The following RABGAP1L variants were observed in gnomAD, a reference collection of about 807,000 sequenced individuals.
RABGAP1L encodes the protein rab GTPase-activating protein 1-like.
RABGAP1L carries 63 observed loss-of-function variants against 137.7 expected under a neutral mutation model. That is an observed-to-expected ratio of 0.46 (90% CI 0.37 to 0.56). The LOEUF (loss-of-function observed/expected upper bound fraction) is 0.56. RABGAP1L is among the 20% of genes least tolerant of loss of function. The pLI, the probability that RABGAP1L is intolerant of heterozygous loss-of-function variation, is 0.00. For missense variants in RABGAP1L, 1,095 were observed against 1,244.0 expected (o/e 0.88, Z 1.80); for synonymous variants, 431 against 433.7 (o/e 0.99, Z 0.08).
At chr1:174,514,648 T>G (rs539514117) in intron 13 of RABGAP1L, among the ~76,000 whole-genome samples, 50 of 152,362 alleles carry the variant, frequency 3.3e-4, no homozygotes, top group African/African-American at 1.1e-3. Context: ...AGCAAATGTT[T>G]GCTTTTGCTT....
At chr1:174,757,207 A>T in intron 18 of RABGAP1L, 3 of 256,284 alleles carry the variant, frequency 1.2e-5, no homozygotes, top group Admixed American at 4.9e-5. Flanking sequence ...AGCCACTAGA[A>T]CTTTCCCCTG....
chr1:174,521,556 A>G (rs1663395770), intron 13 of RABGAP1L, among the ~76,000 whole-genome samples: 1 of 152,264 alleles, frequency 6.6e-6, no homozygotes. Context: ...ATGACCCTCC[A>G]AAAGTAAAGA....
At chr1:174,649,629 C>G (rs1055243468) in intron 14 of RABGAP1L, among the ~76,000 whole-genome samples, 3 of 151,834 alleles carry the variant, frequency 2.0e-5, no homozygotes, top group African/African-American at 7.3e-5. Context: ...TGATTTGGCT[C>G]TCTGTTTGTC....
intron 7 of RABGAP1L, among the ~76,000 whole-genome samples, chr1:174,260,722 T>G (rs1218144828): frequency 6.6e-6 from 1 of 152,218 alleles, no homozygotes; most frequent in African/African-American, 2.4e-5. Context: ...ATATGTATTT[T>G]TAAAGCCTTG....
chr1:174,719,264 T>G (rs144170659), intron 17 of RABGAP1L, among the ~76,000 whole-genome samples: 69 of 152,346 alleles, frequency 4.5e-4, no homozygotes, highest in African/African-American at 1.5e-3. Context: ...TTAAAAGATA[T>G]CTTTAATAAT....
chr1:174,472,985 A>C (rs1305988211), intron 13 of RABGAP1L, among the ~76,000 whole-genome samples: 1 of 152,212 alleles, frequency 6.6e-6, no homozygotes, highest in Non-Finnish European at 1.5e-5. Context: ...CATTAAATAT[A>C]TGTCACTCTG....
chr1:174,485,393 CA>C (rs1175915550), intron 13 of RABGAP1L, among the ~76,000 whole-genome samples: 10 of 152,100 alleles, frequency 6.6e-5, no homozygotes, highest in Non-Finnish European at 1.3e-4. Flanking sequence ...ACAGTGGTGA[CA>C]GTGGACATTC....
intron 11 of RABGAP1L, among the ~76,000 whole-genome samples, chr1:174,356,385 C>A (rs1030064641): frequency 5.9e-5 from 9 of 151,806 alleles, no homozygotes; most frequent in South Asian, 2.1e-4. Flanking sequence ...TAAAGTAATT[C>A]TCTGGTTAAA....
intron 13 of RABGAP1L, among the ~76,000 whole-genome samples, chr1:174,624,431 A>T (rs1331893350): frequency 2.0e-5 from 3 of 152,248 alleles, no homozygotes; most frequent in Non-Finnish European, 4.4e-5. Flanking sequence ...TAAGGAAATA[A>T]TGGACTATGC....
In RABGAP1L at chr1:174,475,815, A is replaced by G. The variant is rs541141849; in HGVS notation, c.1710+81670A>G. Among the ~76,000 whole-genome samples, 167 of 147,548 alleles carry G rather than the reference A, an allele frequency of 1.1e-3. No individual in the cohort carries two copies. In the South Asian group the frequency reaches 0.018, roughly 16 times the overall value. On this transcript the variant is annotated intron_variant, in intron 13 of 25. Coordinates refer to ENST00000681986, the MANE Select transcript of RABGAP1L (RefSeq NM_001366446.1). ...AAAAAAAAAGGTCAGATCTTTGGCC[A>G]TTTGCTTCTGCTGTATAATTATCTA...
chr1:174,347,132 ACTGATGAC>A (rs1174418620), intron 11 of RABGAP1L, among the ~76,000 whole-genome samples: 1 of 151,776 alleles, frequency 6.6e-6, no homozygotes, highest in Non-Finnish European at 1.5e-5. Flanking sequence ...TTTTGGCCTA[ACTGATGAC>A]CTATCCTTGT....
In RABGAP1L at chr1:174,499,035, C is replaced by A. The variant is rs193006804; in HGVS notation, c.1710+104890C>A. ...TTAGTAAGTTGTAATTATTTACCCC[C>A]TCATTTTTTTTCAATCTTACAAAAG... On this transcript the variant is annotated intron_variant, in intron 13 of 25. Transcript: ENST00000681986. 2.0e-5 allele frequency among the ~76,000 whole-genome samples: 3 copies of A among 151,750 alleles called. No homozygotes were observed. In the East Asian group the frequency reaches 5.8e-4, roughly 29 times the overall value.
chr1:174,191,602 T>C (rs1335706243), intron 1 of RABGAP1L, among the ~76,000 whole-genome samples: 2 of 152,228 alleles, frequency 1.3e-5, no homozygotes, highest in East Asian at 1.9e-4. Context: ...GGGGATCATA[T>C]AGTAGCTGCT....
At chr1:174,465,643 T>A (rs569072504) in intron 13 of RABGAP1L, among the ~76,000 whole-genome samples, 7 of 152,016 alleles carry the variant, frequency 4.6e-5, no homozygotes, top group Admixed American at 2.6e-4. Context: ...TAAAAAAAAA[T>A]AAGATAATTT....
intron 13 of RABGAP1L, among the ~76,000 whole-genome samples, chr1:174,584,783 A>G (rs1002161039): frequency 3.3e-5 from 5 of 151,984 alleles, no homozygotes; most frequent in Admixed American, 1.3e-4. Context: ...CTTCTTTTCT[A>G]TCATTTTCTT....
chr1:174,244,510 G>T (rs778864624), intron 5 of RABGAP1L: 1 of 152,192 alleles, frequency 6.6e-6, no homozygotes, highest in Non-Finnish European at 1.5e-5. Context: ...CCACAGAAGG[G>T]TTAGGACACA....
intron 20 of RABGAP1L, among the ~76,000 whole-genome samples, chr1:174,962,645 T>G (rs1669261588): frequency 6.7e-6 from 1 of 149,662 alleles, no homozygotes. Context: ...TCTAATGCAA[T>G]AGTTTAGAGT....
chr1:174,914,146 G>T (rs138679722), intron 19 of RABGAP1L, among the ~76,000 whole-genome samples: 1 of 152,146 alleles, frequency 6.6e-6, no homozygotes, highest in Non-Finnish European at 1.5e-5. Context: ...AACTGTGATT[G>T]CATTATCCTA....
intron 10 of RABGAP1L, among the ~76,000 whole-genome samples, chr1:174,297,159 C>T (rs1319306220): frequency 6.6e-6 from 1 of 152,076 alleles, no homozygotes; most frequent in Admixed American, 6.6e-5. Context: ...ATGGCTAAGA[C>T]TCCCTATAAC....
Sources: allele counts gnomAD v4.1 joint callset (sites outside exome capture counted in the v4.1 genomes callset), GRCh38; gene constraint gnomAD v4.1.1; transcripts MANE v1.5; gene names NCBI Gene and HGNC (gene_info 2026-07-23, HGNC 2026-07-21).